ATP11C: variants seen among roughly 807,000 people sequenced by gnomAD.
ATP11C encodes phospholipid-transporting ATPase IG.
Under a neutral mutation model 97.4 loss-of-function variants are expected in ATP11C, and 36 were observed. The ratio of observed to expected loss-of-function variants is 0.37; its 90% CI spans 0.28 to 0.49. The LOEUF (loss-of-function observed/expected upper bound fraction) is 0.49, where lower values mean the gene tolerates loss of function less well. Ranked by LOEUF, ATP11C falls within the 20% of genes least tolerant of loss-of-function variation. The pLI is 0.98. For missense variants in ATP11C, 730 were observed against 824.6 expected (o/e 0.89, Z 1.40); for synonymous variants, 275 against 290.9 (o/e 0.95, Z 0.56).
chrX:139,818,106 A>C (rs2083326616), intron 3 of ATP11C, among the ~76,000 whole-genome samples: 1 of 111,677 alleles, frequency 9.0e-6, no homozygotes, highest in Admixed American at 9.6e-5. Flanking sequence ...TCCACCAAGT[A>C]AATCCTTCTA....
At chrX:139,865,854 A>C (rs1603405532) in intron 1 of ATP11C, among the ~76,000 whole-genome samples, 1 of 111,236 alleles carries the variant, frequency 9.0e-6, no homozygotes, top group East Asian at 2.8e-4. Flanking sequence ...ACAAAGAATT[A>C]TTTGATACTT....
chrX:139,739,413 A>G (rs2081510575), intron 27 of ATP11C, among the ~76,000 whole-genome samples: 1 of 110,450 alleles, frequency 9.1e-6, no homozygotes. Context: ...ACCCAACCCC[A>G]AAGACGGGTG....
chrX:139,855,196 G>A lies in ATP11C; in HGVS notation c.28-28373C>T, dbSNP rs758357724. 1.6e-4 allele frequency among the ~76,000 whole-genome samples: 18 copies of A among 111,490 alleles called. No individual in the cohort carries two copies. The South Asian group carries it at 6.0e-3, about 37-fold the overall frequency. On this transcript the variant is annotated intron_variant, in intron 1 of 29. Coordinates refer to ENST00000682941, the MANE Select transcript of ATP11C (RefSeq NM_001353812.2). ...TTGGTCTAAAAACTAATAAAAATAG[G>A]TGCTACAGGAAATTTCTCAGTAAGA... is the stretch of plus-strand genomic sequence containing the variant.
At position 139,832,282 on chromosome X, in the gene ATP11C, C is replaced by T. The variant is rs952854352; in HGVS notation, c.28-5459G>A. On this transcript the variant is annotated intron_variant, in intron 1 of 29. Transcript: ENST00000682941. Reference sequence around the variant, plus strand: ...GCAACTTGTACCAACCCCTGTGATCCTTGTAAAGTTTCCCAGAACTTGGGA... The same window carrying T: ...GCAACTTGTACCAACCCCTGTGATCTTTGTAAAGTTTCCCAGAACTTGGGA... 25 of 1,154,114 alleles carry T rather than the reference C, an allele frequency of 2.2e-5. No individual in the cohort carries two copies. In the African/African-American group the frequency reaches 4.0e-4, roughly 18 times the overall value.
At chrX:139,891,454 C>T (rs975155182) in intron 1 of ATP11C, among the ~76,000 whole-genome samples, 1 of 111,904 alleles carries the variant, frequency 8.9e-6, no homozygotes, top group Non-Finnish European at 1.9e-5. Context: ...CCTCCATGAA[C>T]CACCCTTCAG....
At chrX:139,881,804 TTCCTC>T (rs2084565939) in intron 1 of ATP11C, among the ~76,000 whole-genome samples, 1 of 111,714 alleles carries the variant, frequency 9.0e-6, no homozygotes, top group South Asian at 3.7e-4. Context: ...CATCAACTGT[TTCCTC>T]TCAAGAAAGA....
intron 1 of ATP11C, among the ~76,000 whole-genome samples, chrX:139,881,467 T>C (rs2084561093): frequency 9.0e-6 from 1 of 110,772 alleles, no homozygotes; most frequent in Admixed American, 9.6e-5. Flanking sequence ...GTGGCAGTGG[T>C]AGGCGGCCGG....
At chrX:139,806,340 G>A (rs992400664) in intron 5 of ATP11C, among the ~76,000 whole-genome samples, 11 of 111,562 alleles carry the variant, frequency 9.9e-5, no homozygotes, top group Non-Finnish European at 2.1e-4. Flanking sequence ...AAAGCCACAA[G>A]AGAACATCAC....
chrX:139,891,742 C>A (rs1026694152), intron 1 of ATP11C, among the ~76,000 whole-genome samples: 1 of 112,189 alleles, frequency 8.9e-6, no homozygotes, highest in Non-Finnish European at 1.9e-5. Context: ...CTGCAAAATG[C>A]GATTGATGGG....
At chrX:139,765,677 GA>G (rs1204136707) in intron 20 of ATP11C, among the ~76,000 whole-genome samples, 2 of 112,190 alleles carry the variant, frequency 1.8e-5, no homozygotes, top group Non-Finnish European at 3.8e-5. Flanking sequence ...TGAGAGAATA[GA>G]TCTGGCTTGC....
At chrX:139,752,311 C>A (rs1322679528) in intron 23 of ATP11C, among the ~76,000 whole-genome samples, 1 of 111,766 alleles carries the variant, frequency 8.9e-6, no homozygotes, top group Non-Finnish European at 1.9e-5. Flanking sequence ...CTACACACTG[C>A]AAGTTTCATG....
At chrX:139,847,557 G>A (rs1351173142) in intron 1 of ATP11C, among the ~76,000 whole-genome samples, 2 of 110,314 alleles carry the variant, frequency 1.8e-5, no homozygotes, top group Non-Finnish European at 3.8e-5. Context: ...CAAAAAATTA[G>A]CTGGATGTGG....
chrX:139,749,155 T>C (rs2081755650), intron 24 of ATP11C, among the ~76,000 whole-genome samples: 1 of 111,948 alleles, frequency 8.9e-6, no homozygotes, highest in Admixed American at 9.5e-5. Context: ...CATTCATTCA[T>C]TATATAAATA....
chrX:139,853,700 A>T (rs761841084), intron 1 of ATP11C, among the ~76,000 whole-genome samples: 7 of 109,975 alleles, frequency 6.4e-5, no homozygotes, highest in Non-Finnish European at 1.1e-4. Flanking sequence ...TCCTTAACCC[A>T]GTAACCCGCA....
At chrX:139,778,453 T>C (rs1292648115) in intron 18 of ATP11C, among the ~76,000 whole-genome samples, 1 of 111,884 alleles carries the variant, frequency 8.9e-6, no homozygotes, top group Non-Finnish European at 1.9e-5. Context: ...GAACAAAACC[T>C]CACATATCAA....
chrX:139,749,773 T>C (rs1303910919), intron 24 of ATP11C, among the ~76,000 whole-genome samples: 2 of 111,954 alleles, frequency 1.8e-5, no homozygotes, highest in African/African-American at 6.5e-5. Context: ...ACTATGACAA[T>C]ATAGTTTCAA....
intron 1 of ATP11C, among the ~76,000 whole-genome samples, chrX:139,872,912 T>C (rs1160505728): frequency 8.9e-6 from 1 of 112,338 alleles, no homozygotes; most frequent in Non-Finnish European, 1.9e-5. Flanking sequence ...GAAACTGCTT[T>C]CTCAAGCATA....
chrX:139,763,903 T>C (rs190263995), intron 20 of ATP11C, among the ~76,000 whole-genome samples: 3 of 111,902 alleles, frequency 2.7e-5, no homozygotes, highest in Non-Finnish European at 5.6e-5. Flanking sequence ...CCTAGTTCTA[T>C]GCATATATGA....
At chrX:139,872,213 C>T (rs867763227) in intron 1 of ATP11C, among the ~76,000 whole-genome samples, 8 of 94,282 alleles carry the variant, frequency 8.5e-5, no homozygotes, top group African/African-American at 3.3e-4. Context: ...AATTAATGAT[C>T]TGACACAGAA....
Sources: allele counts gnomAD v4.1 joint callset (sites outside exome capture counted in the v4.1 genomes callset), GRCh38; gene constraint gnomAD v4.1.1; transcripts MANE v1.5; gene names NCBI Gene and HGNC (gene_info 2026-07-23, HGNC 2026-07-21).